The following LRRC37A2 variants were observed in gnomAD, a reference collection of about 807,000 sequenced individuals.
LRRC37A2 encodes the protein leucine-rich repeat-containing protein 37A2.
In LRRC37A2, 9 loss-of-function variants were observed where a neutral mutation model predicts 68.8. That is an observed-to-expected ratio of 0.13 (90% confidence interval 0.08 to 0.23). LRRC37A2 has a LOEUF of 0.23. Among genes scored for constraint, LRRC37A2 ranks in the 10% least tolerant of loss-of-function variants. LRRC37A2 has a pLI of 1.00. For missense variants in LRRC37A2, 168 were observed against 950.4 expected, an observed-to-expected ratio of 0.18 and a Z score of 10.82; for synonymous variants, 63 against 367.6, an observed-to-expected ratio of 0.17 and a Z score of 9.48.
At chr17:47,036,601 T>C in the LRRC37A2 span, among the ~76,000 whole-genome samples, 4 of 152,022 alleles carry the variant, frequency 2.6e-5, no homozygotes, top group African/African-American at 4.8e-5. Context: ...AAAAACATTA[T>C]TTCCACGTAG....
chr17:46,802,151 A>T, the LRRC37A2 span, among the ~76,000 whole-genome samples: 1 of 152,340 alleles, frequency 6.6e-6, no homozygotes, highest in South Asian at 2.1e-4. Flanking sequence ...CTCCAAAGTG[A>T]TGTCTTTTTG....
At chr17:46,856,906 T>G in the LRRC37A2 span, among the ~76,000 whole-genome samples, 1 of 152,198 alleles carries the variant, frequency 6.6e-6, no homozygotes, top group Non-Finnish European at 1.5e-5. Flanking sequence ...CCTTTGTTCC[T>G]CTTTGCAATC....
chr17:46,749,694 C>A, the LRRC37A2 span: 2 of 1,326,838 alleles, frequency 1.5e-6, no homozygotes, highest in East Asian at 2.5e-5. Context: ...AAGTCTTTTG[C>A]AAATTGTGTT....
the LRRC37A2 span, among the ~76,000 whole-genome samples, chr17:46,798,926 T>G: frequency 6.6e-6 from 1 of 151,668 alleles, no homozygotes; most frequent in Admixed American, 6.6e-5. Flanking sequence ...TGCGTGCCTG[T>G]AGTCCCAGCT....
the LRRC37A2 span, among the ~76,000 whole-genome samples, chr17:46,995,239 T>A: frequency 2.0e-5 from 3 of 152,026 alleles, no homozygotes; most frequent in African/African-American, 7.2e-5. Context: ...GACCCTATGC[T>A]GTCTAAGCCC....
At chr17:46,802,874 G>A in the LRRC37A2 span, among the ~76,000 whole-genome samples, 1 of 152,108 alleles carries the variant, frequency 6.6e-6, no homozygotes, top group Admixed American at 6.6e-5. Flanking sequence ...ACCAGTAAAC[G>A]TGTGTTCCTG....
chr17:46,951,486 C>G, the LRRC37A2 span, among the ~76,000 whole-genome samples: 2 of 152,232 alleles, frequency 1.3e-5, no homozygotes, highest in Non-Finnish European at 2.9e-5. Context: ...GTCAAGCTGC[C>G]AGAGAGAGCC....
chr17:46,599,192 A>G, the LRRC37A2 span, among the ~76,000 whole-genome samples: 2 of 28,780 alleles, frequency 6.9e-5, no homozygotes, highest in Non-Finnish European at 1.2e-4. Context: ...TGGGCAATAC[A>G]CTAAGCACTT....
the LRRC37A2 span, among the ~76,000 whole-genome samples, chr17:46,970,386 CAAA>C: frequency 6.6e-6 from 1 of 151,976 alleles, no homozygotes; most frequent in Non-Finnish European, 1.5e-5. Context: ...ACTAAAAATG[CAAA>C]AATTAGCTGG....
intron 11 of LRRC37A2, among the ~76,000 whole-genome samples, chr17:46,552,869 AGT>A (rs1356809022): frequency 7.0e-6 from 1 of 142,864 alleles, no homozygotes; most frequent in Non-Finnish European, 1.5e-5. Flanking sequence ...TGGGCAGCAT[AGT>A]GAGACCTTGT....
At chr17:46,748,188 C>T in the LRRC37A2 span, among the ~76,000 whole-genome samples, 1 of 152,082 alleles carries the variant, frequency 6.6e-6, no homozygotes, top group Non-Finnish European at 1.5e-5. Context: ...GCTCGGCTCA[C>T]TGCAACTTCT....
chr17:46,799,568 C>T, the LRRC37A2 span, among the ~76,000 whole-genome samples: 1 of 151,774 alleles, frequency 6.6e-6, no homozygotes, highest in Non-Finnish European at 1.5e-5. Context: ...CCATCTCAGC[C>T]TCCTGAGTAG....
chr17:46,788,139 G>T, the LRRC37A2 span, among the ~76,000 whole-genome samples: 1 of 152,268 alleles, frequency 6.6e-6, no homozygotes, highest in South Asian at 2.1e-4. Flanking sequence ...ATTCGAGCTG[G>T]GCCTTGAAGT....
chr17:46,876,622 G>A, the LRRC37A2 span: 1 of 1,611,140 alleles, frequency 6.2e-7, no homozygotes, highest in Admixed American at 1.7e-5. Context: ...AGAGCCGCCT[G>A]GTGGCCTTCT....
chr17:46,709,622 G>C, the LRRC37A2 span, among the ~76,000 whole-genome samples: 1 of 151,892 alleles, frequency 6.6e-6, no homozygotes, highest in Non-Finnish European at 1.5e-5. Flanking sequence ...AGCCTCCCAA[G>C]TAGCTGGGAT....
At chr17:46,804,717 G>T in the LRRC37A2 span, among the ~76,000 whole-genome samples, 1 of 152,200 alleles carries the variant, frequency 6.6e-6, no homozygotes, top group Non-Finnish European at 1.5e-5. Flanking sequence ...GACTTCCTGG[G>T]TCAACTGGGG....
the LRRC37A2 span, among the ~76,000 whole-genome samples, chr17:46,760,905 G>A: frequency 4.6e-5 from 7 of 152,122 alleles, no homozygotes; most frequent in South Asian, 2.1e-4. Context: ...TGTGTGTAAG[G>A]TGCATATGAA....
chr17:46,897,675 T>TG, the LRRC37A2 span, among the ~76,000 whole-genome samples: 1 of 152,118 alleles, frequency 6.6e-6, no homozygotes, highest in South Asian at 2.1e-4. Flanking sequence ...TTTGTAGAGA[T>TG]GGGGTCTCAC....
the LRRC37A2 span, among the ~76,000 whole-genome samples, chr17:46,841,489 G>A: frequency 6.6e-6 from 1 of 152,240 alleles, no homozygotes; most frequent in Non-Finnish European, 1.5e-5. Flanking sequence ...AAAGAGGCCC[G>A]TCCCTGGTCC....
Sources: allele counts gnomAD v4.1 joint callset (sites outside exome capture counted in the v4.1 genomes callset), GRCh38; gene constraint gnomAD v4.1.1; transcripts MANE v1.5; gene names NCBI Gene and HGNC (gene_info 2026-07-23, HGNC 2026-07-21).